MAST4: variants seen among roughly 807,000 people sequenced by gnomAD.
MAST4 encodes the protein microtubule-associated serine/threonine-protein kinase 4.
MAST4 carries 89 observed loss-of-function variants against 162.7 expected under a neutral mutation model. That is an observed-to-expected ratio of 0.55 (90% confidence interval 0.46 to 0.65). The LOEUF is 0.65. MAST4 is among the 30% of genes least tolerant of loss of function. The probability of loss-of-function intolerance (pLI) is 0.00; values close to 1 mark genes in which losing one functional copy is unlikely to be tolerated. For synonymous variants in MAST4, 1,479 were observed against 1,361.1 expected, an observed-to-expected ratio of 1.09 and a Z score of -1.91; for missense variants, 3,153 against 3,374.0, an observed-to-expected ratio of 0.93 and a Z score of 1.62.
chr5:66,835,465 T>C (rs1425986896), intron 3 of MAST4, among the ~76,000 whole-genome samples: 2 of 151,182 alleles, frequency 1.3e-5, no homozygotes, highest in African/African-American at 2.4e-5. Context: ...ATTTATTATA[T>C]AAAAAAAAAG....
chr5:66,993,813 T>C (rs536782138), intron 4 of MAST4, among the ~76,000 whole-genome samples: 4 of 152,230 alleles, frequency 2.6e-5, no homozygotes, highest in Admixed American at 6.5e-5. Context: ...GGTTTTGATA[T>C]TTTTGTGGAG....
intron 3 of MAST4, among the ~76,000 whole-genome samples, chr5:66,839,503 G>A (rs938782515): frequency 6.6e-6 from 1 of 152,118 alleles, no homozygotes; most frequent in Non-Finnish European, 1.5e-5. Flanking sequence ...TTGCAGGAAT[G>A]GTTAAAATTA....
chr5:67,074,768 A>G (rs1341857660), intron 5 of MAST4, among the ~76,000 whole-genome samples: 2 of 152,236 alleles, frequency 1.3e-5, no homozygotes, highest in Non-Finnish European at 2.9e-5. Context: ...TAAAGACACT[A>G]CAATATTACA....
intron 1 of MAST4, among the ~76,000 whole-genome samples, chr5:66,625,173 T>C (rs1210611434): frequency 2.6e-5 from 4 of 152,156 alleles, no homozygotes; most frequent in Admixed American, 2.6e-4. Flanking sequence ...CCTTCATGTG[T>C]GCGTGTGTGT....
intron 12 of MAST4, among the ~76,000 whole-genome samples, chr5:67,115,475 T>C (rs1357833213): frequency 6.6e-6 from 1 of 152,226 alleles, no homozygotes; most frequent in Non-Finnish European, 1.5e-5. Context: ...AGTGAAATGA[T>C]GCATGCATTA....
chr5:66,608,167 C>T (rs1400757783), intron 1 of MAST4, among the ~76,000 whole-genome samples: 1 of 150,728 alleles, frequency 6.6e-6, no homozygotes, highest in Admixed American at 6.6e-5. Flanking sequence ...AAGTGATTCT[C>T]ATGCCTCAGC....
chr5:66,746,489 T>C (rs1172965854), intron 1 of MAST4, among the ~76,000 whole-genome samples: 1 of 152,170 alleles, frequency 6.6e-6, no homozygotes, highest in Non-Finnish European at 1.5e-5. Flanking sequence ...TTTTCCTCTT[T>C]GGTAAAATGG....
chr5:67,157,897 G>T (rs558551773), intron 26 of MAST4, among the ~76,000 whole-genome samples: 5 of 152,276 alleles, frequency 3.3e-5, no homozygotes, highest in South Asian at 2.1e-4. Flanking sequence ...TATGAAAATG[G>T]TTTAAAAATA....
At chr5:66,861,502 A>G (rs1465611251) in intron 3 of MAST4, among the ~76,000 whole-genome samples, 1 of 152,222 alleles carries the variant, frequency 6.6e-6, no homozygotes, top group East Asian at 1.9e-4. Context: ...CCAGAATACA[A>G]ACATCTGTGG....
At chr5:66,853,034 C>G (rs372565836) in intron 3 of MAST4, among the ~76,000 whole-genome samples, 5 of 152,312 alleles carry the variant, frequency 3.3e-5, no homozygotes, top group African/African-American at 1.2e-4. Flanking sequence ...GTTAATAAAT[C>G]AAGTCCCTTT....
At chr5:66,720,585 A>G (rs1037523863) in intron 1 of MAST4, among the ~76,000 whole-genome samples, 14 of 151,720 alleles carry the variant, frequency 9.2e-5, no homozygotes, top group Non-Finnish European at 1.6e-4. Flanking sequence ...ATGTTGTATA[A>G]TTGTATTTTT....
intron 3 of MAST4, among the ~76,000 whole-genome samples, chr5:66,877,032 G>A (rs1000291122): frequency 1.6e-4 from 24 of 152,166 alleles, no homozygotes; most frequent in African/African-American, 3.4e-4. Flanking sequence ...GCAAATAGCC[G>A]AATATCCATC....
At chr5:66,754,969 G>C (rs1027535415) in intron 1 of MAST4, among the ~76,000 whole-genome samples, 4 of 152,180 alleles carry the variant, frequency 2.6e-5, no homozygotes, top group African/African-American at 9.7e-5. Flanking sequence ...GGCATCCAAG[G>C]TCTGGCAAGA....
intron 21 of MAST4, 148 bp downstream of exon 21, chr5:67,142,681 C>T (rs1319185296): frequency 1.8e-5 from 11 of 610,578 alleles, no homozygotes; most frequent in African/African-American, 7.4e-5. Flanking sequence ...GAAAAGTGAC[C>T]TCCTCAACTT....
rs377079288 is a variant in MAST4 at position 66,730,842 on chromosome 5, C to A, written c.364-28867C>A. ...CATGCCATTTTGCTTTATGGATCCA[C>A]ATATACCAACCCCTCCCCCTCCCCC... is the stretch of plus-strand genomic sequence containing the variant. On this transcript the variant is annotated intron_variant, in intron 1 of 28. Transcript: ENST00000403625. Among the ~76,000 whole-genome samples, 438 of 151,830 alleles carry A rather than the reference C, an allele frequency of 2.9e-3. 3 individuals are homozygous for A. The highest frequency in any genetic ancestry group is 0.01 in the African/African-American group (419 of 41,362).
At chr5:66,700,798 TATACACACACACACAC>T (rs903363800) in intron 1 of MAST4, among the ~76,000 whole-genome samples, 2 of 136,182 alleles carry the variant, frequency 1.5e-5, no homozygotes, top group Admixed American at 1.5e-4. Flanking sequence ...TATATATATA[TATACACACACACACAC>T]ACACACACAC....
At chr5:66,718,925 C>G (rs1751028909) in intron 1 of MAST4, among the ~76,000 whole-genome samples, 1 of 152,162 alleles carries the variant, frequency 6.6e-6, no homozygotes, top group Non-Finnish European at 1.5e-5. Context: ...TTTGTAAATT[C>G]ACATGCTTAA....
intron 3 of MAST4, among the ~76,000 whole-genome samples, chr5:66,838,920 G>A (rs919579486): frequency 2.0e-5 from 3 of 152,150 alleles, no homozygotes; most frequent in African/African-American, 7.2e-5. Flanking sequence ...TGTAATCAGG[G>A]CATAGAAATA....
At chr5:67,033,725 G>A (rs547288113) in intron 4 of MAST4, among the ~76,000 whole-genome samples, 4 of 152,152 alleles carry the variant, frequency 2.6e-5, no homozygotes, top group African/African-American at 9.6e-5. Context: ...TTGTTTGTTT[G>A]TTTGTTTGTT....
Sources: gnomAD v4.1 joint callset for allele counts (sites outside exome capture counted in the v4.1 genomes callset) on GRCh38, gnomAD v4.1.1 for gene constraint, MANE v1.5 for transcripts, NCBI Gene and HGNC (gene_info 2026-07-23, HGNC 2026-07-21) for gene names.